The following DIAPH3 variants were observed in gnomAD, a reference collection of about 807,000 sequenced individuals.
DIAPH3 encodes the protein protein diaphanous homolog 3.
In DIAPH3, 117 loss-of-function variants were observed where a neutral mutation model predicts 144.3. The observed-to-expected ratio is 0.81, with a 90% CI of 0.70 to 0.95. The LOEUF (loss-of-function observed/expected upper bound fraction) is 0.95, where lower values mean the gene tolerates loss of function less well. Among genes scored for constraint, DIAPH3 ranks in the 40% least tolerant of loss-of-function variants. The pLI is 0.00. For missense variants in DIAPH3, 1,421 were observed against 1,412.7 expected (o/e 1.01, Z -0.09); for synonymous variants, 519 against 488.9 (o/e 1.06, Z -0.81).
At chr13:60,126,974 AT>A (rs1427893846) in intron 2 of DIAPH3, among the ~76,000 whole-genome samples, 8 of 152,056 alleles carry the variant, frequency 5.3e-5, no homozygotes, top group African/African-American at 1.4e-4. Flanking sequence ...AGAGAAAAAA[AT>A]AATAAAACAA....
At chr13:60,158,401 G>A (rs1952126795) in intron 1 of DIAPH3, among the ~76,000 whole-genome samples, 1 of 152,166 alleles carries the variant, frequency 6.6e-6, no homozygotes, top group African/African-American at 2.4e-5. Flanking sequence ...GGAAGGATTT[G>A]GCTGCAACAC....
At chr13:60,148,059 G>C (rs1178579746) in intron 1 of DIAPH3, among the ~76,000 whole-genome samples, 1 of 152,102 alleles carries the variant, frequency 6.6e-6, no homozygotes, top group Non-Finnish European at 1.5e-5. Flanking sequence ...GCATAATCAA[G>C]GTTACTGGAT....
At chr13:60,064,526 T>C (rs2056885523) in intron 4 of DIAPH3, among the ~76,000 whole-genome samples, 1 of 152,198 alleles carries the variant, frequency 6.6e-6, no homozygotes, top group Non-Finnish European at 1.5e-5. Flanking sequence ...ACTTTTCTTC[T>C]GCAGCTTCCT....
In DIAPH3 at chr13:59,811,514, G is replaced by A. The variant is rs567943033; in HGVS notation, c.3028-591C>T. Reference sequence around the variant, plus strand: ...AGCACTTTGGGAGGCCGAGGTGGGCGGATCATAAGGTCAGTAGATCGAGAC... The same window carrying A: ...AGCACTTTGGGAGGCCGAGGTGGGCAGATCATAAGGTCAGTAGATCGAGAC... On this transcript the variant is annotated intron_variant, in intron 24 of 27. Coordinates refer to ENST00000400324, the MANE Select transcript of DIAPH3 (RefSeq NM_001042517.2). Among the ~76,000 whole-genome samples, 490 of 152,090 alleles carry A rather than the reference G, an allele frequency of 3.2e-3. 3 individuals carry two copies. The highest frequency in any genetic ancestry group is 0.01 in the African/African-American group (421 of 41,514).
chr13:59,934,865 C>T (rs924595779), intron 17 of DIAPH3, among the ~76,000 whole-genome samples: 4 of 152,112 alleles, frequency 2.6e-5, no homozygotes, highest in Non-Finnish European at 5.9e-5. Context: ...AAGGATAACT[C>T]CCCACACTTT....
intron 5 of DIAPH3, among the ~76,000 whole-genome samples, chr13:60,026,541 A>G (rs1200540343): frequency 6.6e-6 from 1 of 152,042 alleles, no homozygotes; most frequent in Non-Finnish European, 1.5e-5. Flanking sequence ...GCCTTTGCCC[A>G]CTCCAAGAAA....
rs563979193 is a variant in DIAPH3, at chr13:59,884,152, G to A, written c.2368-4684C>T. Among the ~76,000 whole-genome samples, 4 of 152,174 alleles carry A rather than the reference G, an allele frequency of 2.6e-5. No individual in the cohort carries two copies. In the South Asian group the frequency reaches 8.3e-4, roughly 32 times the overall value. On this transcript the variant is annotated intron_variant, in intron 20 of 27. Coordinates refer to ENST00000400324, the MANE Select transcript of DIAPH3 (RefSeq NM_001042517.2). ...AGTGACATTAGATTCTCATAGGAGC[G>A]AGAACCCTGTTGTGAACTATGCACG...
intron 22 of DIAPH3, among the ~76,000 whole-genome samples, chr13:59,848,488 C>T (rs938774630): frequency 6.7e-6 from 1 of 148,662 alleles, no homozygotes; most frequent in African/African-American, 2.5e-5. Context: ...CACCACAGTC[C>T]CCAGAGTGTG....
intron 1 of DIAPH3, among the ~76,000 whole-genome samples, chr13:60,149,752 C>CA (rs35814915): frequency 0.54 from 50,937 of 95,086 alleles, 13,400 homozygotes; most frequent in Non-Finnish European, 0.62. Flanking sequence ...GACACTGTCT[C>CA]AAAAAAAAAA....
intron 27 of DIAPH3, among the ~76,000 whole-genome samples, chr13:59,715,793 CTAAGA>C (rs917715526): frequency 3.9e-5 from 6 of 152,046 alleles, no homozygotes; most frequent in African/African-American, 1.4e-4. Context: ...TTTTCTTTCT[CTAAGA>C]TAAGGATAAT....
At chr13:60,040,508 CA>C (rs2055579759) in intron 5 of DIAPH3, among the ~76,000 whole-genome samples, 1 of 152,024 alleles carries the variant, frequency 6.6e-6, no homozygotes, top group Non-Finnish European at 1.5e-5. Context: ...AATAATAACC[CA>C]TTGTAAGATG....
At chr13:59,673,048 T>C (rs1566169186) in intron 27 of DIAPH3, among the ~76,000 whole-genome samples, 1 of 152,212 alleles carries the variant, frequency 6.6e-6, no homozygotes, top group African/African-American at 2.4e-5. Context: ...CATTTCACAG[T>C]TTCCTATGCT....
chr13:59,939,009 C>T (rs2048391891), intron 17 of DIAPH3, among the ~76,000 whole-genome samples: 1 of 152,050 alleles, frequency 6.6e-6, no homozygotes, highest in Non-Finnish European at 1.5e-5. Flanking sequence ...CTTTATGAGG[C>T]TTGATTTCAA....
At chr13:59,767,096 A>G (rs891913795) in intron 27 of DIAPH3, among the ~76,000 whole-genome samples, 1 of 151,860 alleles carries the variant, frequency 6.6e-6, no homozygotes, top group Non-Finnish European at 1.5e-5. Flanking sequence ...TGAGCCCTGC[A>G]CTCCTTCCAG....
At chr13:60,149,161 C>T (rs745599712) in intron 1 of DIAPH3, among the ~76,000 whole-genome samples, 7 of 152,052 alleles carry the variant, frequency 4.6e-5, no homozygotes, top group Non-Finnish European at 5.9e-5. Flanking sequence ...CAGGATGGAG[C>T]GTGTAAAAAG....
intron 2 of DIAPH3, among the ~76,000 whole-genome samples, chr13:60,120,894 A>C (rs2058828740): frequency 6.6e-6 from 1 of 152,210 alleles, no homozygotes; most frequent in South Asian, 2.1e-4. Context: ...CTGAAATATC[A>C]AGTGTTTATT....
At chr13:59,918,616 G>C (rs1430904015) in intron 18 of DIAPH3, among the ~76,000 whole-genome samples, 1 of 152,206 alleles carries the variant, frequency 6.6e-6, no homozygotes, top group East Asian at 1.9e-4. Context: ...ACCACCCAAA[G>C]CACTTCTAGG....
intron 14 of DIAPH3, among the ~76,000 whole-genome samples, chr13:59,978,754 G>A (rs1357223894): frequency 2.0e-5 from 3 of 151,520 alleles, no homozygotes; most frequent in Non-Finnish European, 3.0e-5. Context: ...TGATATGATA[G>A]CCTTCTCCAA....
intron 27 of DIAPH3, among the ~76,000 whole-genome samples, chr13:59,722,996 A>AT (rs2035418695): frequency 6.6e-6 from 1 of 152,192 alleles, no homozygotes; most frequent in Non-Finnish European, 1.5e-5. Context: ...CAGCACATAC[A>AT]TACCCCTTCC....
Sources: allele counts gnomAD v4.1 joint callset (sites outside exome capture counted in the v4.1 genomes callset), GRCh38; gene constraint gnomAD v4.1.1; transcripts MANE v1.5; gene names NCBI Gene and HGNC (gene_info 2026-07-23, HGNC 2026-07-21).